CEBPZ: variants seen among roughly 807,000 people sequenced by gnomAD.
CEBPZ encodes CCAAT/enhancer-binding protein zeta.
A neutral mutation model predicts 104.5 loss-of-function variants in CEBPZ; 78 were observed. The ratio of observed to expected loss-of-function variants is 0.75; its 90% CI spans 0.62 to 0.90. The LOEUF (loss-of-function observed/expected upper bound fraction) is 0.90. CEBPZ is among the 40% of genes least tolerant of loss of function. The probability of loss-of-function intolerance (pLI) is 0.00; values close to 1 mark genes in which losing one functional copy is unlikely to be tolerated. For missense variants in CEBPZ, 1,439 were observed against 1,233.5 expected (o/e 1.17, Z -2.50); for synonymous variants, 470 against 427.0 (o/e 1.10, Z -1.24).
chr2:37,217,951 C>T (rs1476612779), intron 5 of CEBPZ, among the ~76,000 whole-genome samples: 1 of 148,054 alleles, frequency 6.8e-6, no homozygotes, highest in East Asian at 2.0e-4. Flanking sequence ...CTACTACATA[C>T]TAGTAAGTAG....
chr2:37,210,115 TAAA>T (rs1241070587), intron 13 of CEBPZ: 1 of 151,936 alleles, frequency 6.6e-6, no homozygotes, highest in Non-Finnish European at 1.5e-5. Flanking sequence ...AATTTAAAAA[TAAA>T]AAAAATTTCA....
At chr2:37,205,329 G>C (rs1677499635) in intron 13 of CEBPZ, among the ~76,000 whole-genome samples, 1 of 152,066 alleles carries the variant, frequency 6.6e-6, no homozygotes, top group Non-Finnish European at 1.5e-5. Context: ...CACCACAAAA[G>C]AAGTGAAAAT....
At chr2:37,223,113 A>C in intron 3 of CEBPZ, 57 bp downstream of exon 3, 1 of 1,433,304 alleles carries the variant, frequency 7.0e-7, no homozygotes. Context: ...GAAAAACAAA[A>C]CAAAAACCAA....
rs1327694729 is a variant in CEBPZ at position 37,228,785 on chromosome 2, A to T, written c.408T>A (p.Val136=). 6.2e-7 allele frequency: 1 copy of T among 1,613,166 alleles called. No homozygotes were observed. ...GCCTATTCTTATTTTTCACCTTATT[A>T]ACTGATGTCCTTTGACTTTCTGCTG... ...KNTAESQRTS[V]NKVKNKNRPE... is the part of the protein sequence containing the mutation. The change falls in exon 2 of 16, where the codon GTT becomes GTA. Residue 136 remains valine, a synonymous_variant. Transcript: ENST00000234170.
chr2:37,201,713 A>G lies in CEBPZ; in HGVS notation c.*51T>C. The stretch of plus-strand genomic sequence containing the variant: ...GCTAGATCAAAAAACATGGTTGAAC[A>G]GCAAAAATTAGATGTAAGTAGAATT... On this transcript the variant is annotated 3_prime_UTR_variant, in exon 16 of 16. Transcript: ENST00000234170. The G allele has an allele frequency of 9.0e-7, 1 of 1,114,220 alleles. No individual in the cohort carries two copies. Among genetic ancestry groups the G allele is most frequent in the Non-Finnish European group, 1.3e-6 (1 of 746,638 alleles). 69.0% of individuals were successfully genotyped at this position (1,114,220 alleles called of 1,614,324 possible).
chr2:37,203,749 T>C (rs781657355), intron 13 of CEBPZ: 3 of 152,256 alleles, frequency 2.0e-5, no homozygotes, highest in Non-Finnish European at 2.9e-5. Flanking sequence ...CGATCTATCT[T>C]GTTTCTATGA....
rs371303058 is a variant in CEBPZ, at chr2:37,212,268, C to A, written c.2603+67G>T. On this transcript the variant is annotated intron_variant, in intron 11 of 15. Coordinates refer to ENST00000234170, the MANE Select transcript of CEBPZ (RefSeq NM_005760.3). ...CTTTATCATATAGTTCTGTGGTCTA[C>A]TGTTCTGAGGGACAACAATTTGGGA... 3,358 of 1,394,858 alleles carry A rather than the reference C, an allele frequency of 2.4e-3. 29 individuals are homozygous for A. The highest frequency in any genetic ancestry group is 0.017 in the South Asian group (1,450 of 85,420). The allele number at this position is 1,394,858 out of a possible 1,614,324, so 86.4% of individuals were successfully genotyped here. A position where few individuals can be genotyped will look rare whatever the true frequency, so the allele number is the denominator to read the frequency against.
chr2:37,220,274 G>A (rs769803852), intron 5 of CEBPZ, 111 bp downstream of exon 5: 18 of 281,062 alleles, frequency 6.4e-5, no homozygotes, highest in Admixed American at 1.1e-4. Flanking sequence ...CCACAATCAT[G>A]CCACTGCACT....
rs151009427 is a variant in CEBPZ, at chr2:37,227,570, C to T, written c.1623G>A (p.Ser541=). 3.4e-5 allele frequency: 55 copies of T among 1,612,028 alleles called. No individual in the cohort carries two copies. The highest frequency in any genetic ancestry group is 1.5e-4 in the South Asian group (14 of 90,716). ...TGTATAATGCTGTGTAATATCGATC[C>T]GATATTGTCTGCTGAGAATTCATTA... ...FQVMNSQQTI[S]DRYYTALYRK... is the part of the protein sequence containing the mutation. Residue 541 remains serine (S), a synonymous_variant, in exon 2 of 16, where the codon TCG becomes TCA. Transcript: ENST00000234170.
intron 13 of CEBPZ, among the ~76,000 whole-genome samples, chr2:37,207,369 C>T (rs530650210): frequency 1.7e-4 from 26 of 152,222 alleles, no homozygotes; most frequent in African/African-American, 4.3e-4. Flanking sequence ...CACCAGCACA[C>T]GGAGCATTCT....
intron 2 of CEBPZ, among the ~76,000 whole-genome samples, chr2:37,225,675 T>A (rs1379614758): frequency 9.1e-5 from 3 of 32,866 alleles, no homozygotes; most frequent in Non-Finnish European, 1.8e-4. Context: ...CCCCATGTGA[T>A]AGTCTGAAAT....
intron 13 of CEBPZ, chr2:37,209,590 T>A (rs1558469513): frequency 1.3e-5 from 2 of 152,168 alleles, no homozygotes; most frequent in Non-Finnish European, 2.9e-5. Context: ...GCAAGCCACA[T>A]GTAGGAGAAT....
At chr2:37,212,534 T>C in intron 10 of CEBPZ, 142 bp from the exon 11 acceptor site, 6 of 697,580 alleles carry the variant, frequency 8.6e-6, no homozygotes, top group Non-Finnish European at 1.5e-5. Flanking sequence ...TTACTGTTGC[T>C]AGTGTGCCTT....
chr2:37,227,562 T>TA lies in CEBPZ; in HGVS notation c.1630dup (p.Tyr544LeufsTer25), dbSNP rs750005189. The TA allele has an allele frequency of 1.9e-6, 3 of 1,610,866 alleles. No homozygotes were observed. The highest frequency in any genetic ancestry group is 1.7e-6 in the Non-Finnish European group (2 of 1,178,342). The stretch of plus-strand genomic sequence containing the variant: ...TTCTTACCTGTATAATGCTGTGTAA[T>TA]ATCGATCCGATATTGTCTGCTGAGA... On this transcript the variant is annotated frameshift_variant, in exon 2 of 16. Coordinates refer to ENST00000234170, the MANE Select transcript of CEBPZ (RefSeq NM_005760.3). LOFTEE classifies it high-confidence loss of function.
chr2:37,211,024 A>G lies in CEBPZ; in HGVS notation c.2859T>C (p.Asp953=). The part of the protein sequence containing the change: ...TKKSKRKGTD[D]FDFAGSFQGP... ...CTTGAAATGAGCCAGCAAAGTCAAA[A>G]TCATCTGTACCTTTTCTCTTGCTTT... The change falls in exon 13 of 16, where the codon GAT becomes GAC. Residue 953 remains aspartate (D), a synonymous_variant. Transcript: ENST00000234170. The G allele has an allele frequency of 6.2e-7, 1 of 1,611,416 alleles. No individual in the cohort carries two copies. The highest frequency in any genetic ancestry group is 8.5e-7 in the Non-Finnish European group (1 of 1,178,844).
intron 8 of CEBPZ, among the ~76,000 whole-genome samples, 166 bp from the exon 9 acceptor site, chr2:37,215,118 G>A (rs1342526170): frequency 6.6e-6 from 1 of 152,112 alleles, no homozygotes; most frequent in African/African-American, 2.4e-5. Flanking sequence ...CTCTGAAAAA[G>A]TCTGTGTGAA....
intron 2 of CEBPZ, among the ~76,000 whole-genome samples, chr2:37,225,598 G>A (rs1304444011): frequency 8.4e-5 from 8 of 94,880 alleles, no homozygotes; most frequent in Non-Finnish European, 1.7e-4. Context: ...AGTACCCAGG[G>A]ACACAAAAAC....
At chr2:37,206,254 C>A (rs955292665) in intron 13 of CEBPZ, among the ~76,000 whole-genome samples, 4 of 152,224 alleles carry the variant, frequency 2.6e-5, no homozygotes, top group African/African-American at 9.7e-5. Flanking sequence ...AAAAGGTATC[C>A]AACAAAACTA....
chr2:37,204,562 C>T (rs1677462455), intron 13 of CEBPZ: 1 of 152,336 alleles, frequency 6.6e-6, no homozygotes, highest in Non-Finnish European at 1.5e-5. Flanking sequence ...AGGCGTGAGC[C>T]ACTGCGCCCA....
Sources: gnomAD v4.1 joint callset for allele counts (sites outside exome capture counted in the v4.1 genomes callset) on GRCh38, gnomAD v4.1.1 for gene constraint, MANE v1.5 for transcripts, NCBI Gene and HGNC (gene_info 2026-07-23, HGNC 2026-07-21) for gene names.